The following CCDC33 variants were observed in gnomAD, a reference collection of about 807,000 sequenced individuals.
CCDC33 encodes coiled-coil domain-containing protein 33.
A neutral mutation model predicts 91.9 loss-of-function variants in CCDC33; 94 were observed. The ratio of observed to expected loss-of-function variants is 1.02; its 90% CI spans 0.87 to 1.21. The LOEUF is 1.21. CCDC33 is among the 50% of genes most tolerant of loss of function. The pLI is 0.00. For synonymous variants in CCDC33, 396 were observed against 374.5 expected (o/e 1.06, Z -0.66); for missense variants, 940 against 935.5 (o/e 1.00, Z -0.06).
At chr15:74,275,678 C>CTT (rs551722321) in intron 7 of CCDC33, among the ~76,000 whole-genome samples, 3 of 146,446 alleles carry the variant, frequency 2.0e-5, no homozygotes, top group South Asian at 2.2e-4. Context: ...GGCAGCCTCT[C>CTT]TTTTTTTTTT....
chr15:74,262,163 C>T (rs1392822877), intron 2 of CCDC33, among the ~76,000 whole-genome samples: 1 of 152,152 alleles, frequency 6.6e-6, no homozygotes, highest in Non-Finnish European at 1.5e-5. Context: ...AGCATCTACC[C>T]TCTACCCCCA....
chr15:74,219,329 A>G (rs1172959358), intron 2 of CCDC33, among the ~76,000 whole-genome samples: 2 of 152,214 alleles, frequency 1.3e-5, no homozygotes, highest in Non-Finnish European at 1.5e-5. Flanking sequence ...CTTCTCCCCT[A>G]TGACCATGTT....
intron 11 of CCDC33, among the ~76,000 whole-genome samples, chr15:74,313,523 G>A (rs764236985): frequency 1.4e-5 from 2 of 147,804 alleles, no homozygotes; most frequent in Admixed American, 6.9e-5. Context: ...GGGTTCAAGC[G>A]ATTCTCCTGC....
chr15:74,244,085 T>G lies in CCDC33; in HGVS notation c.122T>G (p.Leu41Arg), dbSNP rs2075440939. 1 of 1,613,858 alleles carries G rather than the reference T, an allele frequency of 6.2e-7. No individual in the cohort carries two copies. Among genetic ancestry groups the G allele is most frequent in the Non-Finnish European group, 8.5e-7 (1 of 1,179,924 alleles). The change falls in exon 2 of 19, where the codon CTC becomes CGC. Residue 41 changes from leucine (L) to arginine (R), a missense_variant. Physicochemically the swap from Leu to Arg is moderately radical, Grantham distance 102. Transcript: ENST00000398814. The surrounding 1 kb of genome is among the most constrained non-coding windows in gnomAD (Gnocchi z 4.2). Reference protein sequence around the residue: ...PSKKETIMVTLHGATNLPACK... With the variant: ...PSKKETIMVTRHGATNLPACK... ...AAGAAGGAGACCATCATGGTCACCC[T>G]CCATGGGGCTACCAACCTGCCTGCC...
chr15:74,255,898 A>G (rs904695559), intron 2 of CCDC33, among the ~76,000 whole-genome samples: 2 of 152,370 alleles, frequency 1.3e-5, no homozygotes, highest in East Asian at 1.9e-4. Context: ...CCACTGGCTC[A>G]GCAGCCTGGG....
intron 11 of CCDC33, chr15:74,311,395 A>C (rs1292931380): frequency 6.6e-6 from 1 of 152,218 alleles, no homozygotes; most frequent in Non-Finnish European, 1.5e-5. Context: ...GAATGTGAAA[A>C]TGAGAGCCTA....
chr15:74,209,428 C>T (rs2074334101), exon 2 of CCDC33: 1 of 1,535,652 alleles, frequency 6.5e-7, no homozygotes, highest in African/African-American at 1.4e-5. Context: ...GAACCACCAG[C>T]TCGGCTCTTA....
At position 74,268,742 on chromosome 15, in the gene CCDC33, G is replaced by A. The variant is rs116978233; in HGVS notation, c.546+284G>A. 6.2e-4 allele frequency among the ~76,000 whole-genome samples: 94 copies of A among 152,342 alleles called. 1 individual carries two copies. Among genetic ancestry groups the A allele is most frequent in the Admixed American group, 3.3e-3 (50 of 15,312 alleles). On this transcript the variant is annotated intron_variant, in intron 5 of 18. Transcript: ENST00000398814. ...GCTCAGCCACACTGCTGCTCCTGGT[G>A]TACCGTCTCTGTGCTGCAGTGGGGA...
rs2060069498 is a variant in CCDC33 at position 74,315,311 on chromosome 15, A to C, written c.1291-14878A>C. Among the ~76,000 whole-genome samples the C allele has an allele frequency of 2.6e-5, 4 of 152,250 alleles. No individual in the cohort carries two copies. In the South Asian group the frequency reaches 6.2e-4, roughly 24 times the overall value. ...TCTGGCCCTGCAATAGGGAGATCCC[A>C]GCCCTGATGAGTGATGAAGCATGAG... On this transcript the variant is annotated intron_variant, in intron 11 of 18. Coordinates refer to ENST00000398814, the MANE Select transcript of CCDC33 (RefSeq NM_025055.5).
chr15:74,229,888 G>T (rs1482588627), intron 2 of CCDC33, among the ~76,000 whole-genome samples: 1 of 152,272 alleles, frequency 6.6e-6, no homozygotes, highest in East Asian at 1.9e-4. Flanking sequence ...GCCCACAGTG[G>T]ATCATGAGCC....
At chr15:74,334,045 G>T (rs1377716263) in intron 17 of CCDC33, 78 bp downstream of exon 17, 1 of 1,260,474 alleles carries the variant, frequency 7.9e-7, no homozygotes, top group Non-Finnish European at 1.1e-6. Context: ...TGTGTGAGCA[G>T]AGTCTAGGCT....
At chr15:74,280,585 C>T in intron 8 of CCDC33, 83 bp from the exon 9 acceptor site, 2 of 1,398,824 alleles carry the variant, frequency 1.4e-6, no homozygotes, top group Non-Finnish European at 1.9e-6. Context: ...CAGCGGGAGA[C>T]AGGAGGACTG....
chr15:74,286,309 C>A (rs2059473398), intron 10 of CCDC33, among the ~76,000 whole-genome samples: 1 of 152,192 alleles, frequency 6.6e-6, no homozygotes, highest in Non-Finnish European at 1.5e-5. Context: ...TACACACACA[C>A]ACAGAAACCT....
chr15:74,203,008 T>C (rs901238105), upstream of CCDC33: 12 of 985,578 alleles, frequency 1.2e-5, no homozygotes, highest in African/African-American at 1.7e-5. Context: ...CATACCTGCC[T>C]TCAGCGCCTG....
chr15:74,332,963 C>T, intron 16 of CCDC33, 118 bp downstream of exon 16: 1 of 1,237,786 alleles, frequency 8.1e-7, no homozygotes, highest in Non-Finnish European at 1.1e-6. Context: ...GGTCTCCAGT[C>T]TGCCTGGGGG....
chr15:74,331,126 G>A lies in CCDC33; in HGVS notation c.1677+14G>A, dbSNP rs2060426995. 5 of 1,613,258 alleles carry A rather than the reference G, an allele frequency of 3.1e-6. No individual in the cohort carries two copies. The highest frequency in any genetic ancestry group is 1.3e-5 in the African/African-American group (1 of 74,936). Reference sequence around the variant, plus strand: ...CACCAAGAGAAGGCAGGTGGCAGAGGGGCTGCCCCCGAGGCCAACTGATGA... The same window carrying A: ...CACCAAGAGAAGGCAGGTGGCAGAGAGGCTGCCCCCGAGGCCAACTGATGA... On this transcript the variant is annotated intron_variant, in intron 14 of 18. Coordinates refer to ENST00000398814, the MANE Select transcript of CCDC33 (RefSeq NM_025055.5).
At chr15:74,225,117 C>CATGTGTGT (rs962824242) in intron 2 of CCDC33, among the ~76,000 whole-genome samples, 2 of 139,832 alleles carry the variant, frequency 1.4e-5, no homozygotes, top group African/African-American at 5.5e-5. Flanking sequence ...CTCCTGGAGG[C>CATGTGTGT]GTGTGTGTGT....
chr15:74,280,374 G>T (rs940823974), intron 8 of CCDC33, among the ~76,000 whole-genome samples: 1 of 152,234 alleles, frequency 6.6e-6, no homozygotes, highest in Non-Finnish European at 1.5e-5. Flanking sequence ...AGAGAGGGGT[G>T]AGGGAGATGG....
chr15:74,255,459 T>C (rs1161176178), intron 2 of CCDC33, among the ~76,000 whole-genome samples: 13 of 152,242 alleles, frequency 8.5e-5, no homozygotes, highest in Admixed American at 8.5e-4. Context: ...ACCCCTTCCC[T>C]GTTCCCATAC....
Sources: allele counts gnomAD v4.1 joint callset (sites outside exome capture counted in the v4.1 genomes callset), GRCh38; gene constraint gnomAD v4.1.1; non-coding constraint Gnocchi (gnomAD v3.1); transcripts MANE v1.5; gene names NCBI Gene and HGNC (gene_info 2026-07-23, HGNC 2026-07-21).